AGBL4: variants seen among roughly 807,000 people sequenced by gnomAD.
AGBL4 encodes cytosolic carboxypeptidase 6.
A neutral mutation model predicts 66.4 loss-of-function variants in AGBL4; 58 were observed. That is an observed-to-expected ratio of 0.87 (90% confidence interval 0.71 to 1.09). The LOEUF is 1.09. AGBL4 is among the 50% of genes least tolerant of loss of function. The probability of loss-of-function intolerance (pLI) is 0.00; values close to 1 mark genes in which losing one functional copy is unlikely to be tolerated. For missense variants in AGBL4, 579 were observed against 631.0 expected (o/e 0.92, Z 0.88); for synonymous variants, 234 against 222.9 (o/e 1.05, Z -0.44).
intron 3 of AGBL4, among the ~76,000 whole-genome samples, chr1:49,448,975 T>C (rs1402239526): frequency 6.6e-6 from 1 of 151,922 alleles, no homozygotes; most frequent in Non-Finnish European, 1.5e-5. Flanking sequence ...CTGATAACTA[T>C]TTACAATGAG....
intron 3 of AGBL4, among the ~76,000 whole-genome samples, chr1:49,593,788 G>C (rs974870936): frequency 6.6e-6 from 1 of 152,090 alleles, no homozygotes; most frequent in African/African-American, 2.4e-5. Context: ...CCTTCAAAGA[G>C]TGCCTGGCAC....
At chr1:49,274,154 T>C (rs1184278719) in intron 3 of AGBL4, among the ~76,000 whole-genome samples, 1 of 152,184 alleles carries the variant, frequency 6.6e-6, no homozygotes, top group African/African-American at 2.4e-5. Context: ...TAAATGAATA[T>C]TTTACAGTGA....
chr1:49,946,833 A>G (rs1655250935), intron 1 of AGBL4, among the ~76,000 whole-genome samples: 1 of 152,014 alleles, frequency 6.6e-6, no homozygotes, highest in Admixed American at 6.6e-5. Context: ...AAAACAAGAG[A>G]GAAGATCCAA....
intron 4 of AGBL4, among the ~76,000 whole-genome samples, chr1:49,099,716 G>T (rs987722236): frequency 1.3e-5 from 2 of 152,002 alleles, no homozygotes; most frequent in Non-Finnish European, 2.9e-5. Flanking sequence ...AGCAAAAGTG[G>T]GTCTGATTTG....
chr1:49,657,117 C>T (rs1646155735), intron 3 of AGBL4, among the ~76,000 whole-genome samples: 1 of 152,188 alleles, frequency 6.6e-6, no homozygotes, highest in Non-Finnish European at 1.5e-5. Context: ...CCCATCGTCT[C>T]AGACCAAAAT....
At chr1:49,326,225 G>A (rs1645226046) in intron 3 of AGBL4, among the ~76,000 whole-genome samples, 1 of 152,038 alleles carries the variant, frequency 6.6e-6, no homozygotes, top group Non-Finnish European at 1.5e-5. Context: ...ATTTTTGAAG[G>A]ATATTTTCAC....
intron 6 of AGBL4, among the ~76,000 whole-genome samples, chr1:48,728,654 C>G (rs943910957): frequency 2.6e-5 from 4 of 152,168 alleles, no homozygotes; most frequent in Non-Finnish European, 5.9e-5. Context: ...TAAAAACACT[C>G]TGGCACATGC....
chr1:48,918,218 C>T (rs911968889), intron 5 of AGBL4, among the ~76,000 whole-genome samples: 1 of 152,190 alleles, frequency 6.6e-6, no homozygotes, highest in African/African-American at 2.4e-5. Context: ...CTCATTATCC[C>T]CCAGCTCCTA....
intron 3 of AGBL4, among the ~76,000 whole-genome samples, chr1:49,436,594 A>G (rs1466154909): frequency 6.6e-6 from 1 of 152,208 alleles, no homozygotes; most frequent in African/African-American, 2.4e-5. Context: ...CAAGCTAGAA[A>G]GAAAGATTGG....
intron 3 of AGBL4, among the ~76,000 whole-genome samples, chr1:49,661,553 C>T (rs537064090): frequency 6.6e-6 from 1 of 152,282 alleles, no homozygotes; most frequent in Admixed American, 6.5e-5. Context: ...GCCATGTAAG[C>T]TTCCTGAAGC....
intron 11 of AGBL4, among the ~76,000 whole-genome samples, chr1:48,578,603 C>G (rs1644689486): frequency 6.6e-6 from 1 of 152,174 alleles, no homozygotes; most frequent in Admixed American, 6.5e-5. Flanking sequence ...AGTGAAGGCT[C>G]TCTGGCAAGA....
At chr1:49,130,731 T>G (rs1645874222) in intron 4 of AGBL4, among the ~76,000 whole-genome samples, 1 of 152,098 alleles carries the variant, frequency 6.6e-6, no homozygotes, top group Non-Finnish European at 1.5e-5. Flanking sequence ...GTAGTATAGT[T>G]TGAAGTCAGG....
chr1:48,862,507 G>A (rs1647576582), intron 6 of AGBL4, among the ~76,000 whole-genome samples: 1 of 151,982 alleles, frequency 6.6e-6, no homozygotes, highest in Non-Finnish European at 1.5e-5. Context: ...ATTTTTAGTA[G>A]AGACAGGGCT....
Position 48,776,831 on chromosome 1 carries a change from T to A in AGBL4, c.634+90360A>T, listed in dbSNP as rs754796605. 267 of 1,426,372 alleles carry A rather than the reference T, an allele frequency of 1.9e-4. 1 individual carries two copies. Among genetic ancestry groups the A allele is most frequent in the East Asian group, 2.2e-4 (6 of 27,864 alleles). The allele number at this position is 1,426,372 out of a possible 1,614,324, so 88.4% of individuals were successfully genotyped here. On this transcript the variant is annotated intron_variant, in intron 6 of 13. Transcript: ENST00000371839. Reference sequence around the variant, plus strand: ...TCCAGGAACCGCACAAAGGCGTACATGGTGGGCGCCGGGGGCGGGCCCCGG... The same window carrying A: ...TCCAGGAACCGCACAAAGGCGTACAAGGTGGGCGCCGGGGGCGGGCCCCGG...
At position 49,033,508 on chromosome 1, in the gene AGBL4, C is replaced by T. The variant is rs148638150; in HGVS notation, c.594+12076G>A. Among the ~76,000 whole-genome samples, 287 of 152,154 alleles carry T rather than the reference C, an allele frequency of 1.9e-3. 2 individuals are homozygous for T. Among genetic ancestry groups the T allele is most frequent in the African/African-American group, 6.5e-3 (271 of 41,508 alleles). On this transcript the variant is annotated intron_variant, in intron 5 of 13. Transcript: ENST00000371839. ...GGAGACTAGCTTATTTTGAAGTTACCGTGCTGGTCAGAACTGTGCTGGCCC... is the reference window on the plus strand; with the variant it reads ...GGAGACTAGCTTATTTTGAAGTTACTGTGCTGGTCAGAACTGTGCTGGCCC...
chr1:49,118,202 C>A (rs938265256), intron 4 of AGBL4, among the ~76,000 whole-genome samples: 4 of 152,158 alleles, frequency 2.6e-5, no homozygotes, highest in Non-Finnish European at 5.9e-5. Context: ...ATTGCATACC[C>A]TTTATTTCTC....
intron 5 of AGBL4, among the ~76,000 whole-genome samples, chr1:48,945,916 G>A (rs1046781899): frequency 2.6e-5 from 4 of 152,180 alleles, no homozygotes; most frequent in African/African-American, 7.2e-5. Flanking sequence ...AATTCAATGA[G>A]TTAATATATA....
chr1:48,548,924 T>C (rs1274515701), intron 11 of AGBL4, among the ~76,000 whole-genome samples: 1 of 152,226 alleles, frequency 6.6e-6, no homozygotes, highest in Non-Finnish European at 1.5e-5. Context: ...TCATATTAAG[T>C]GGCTTCTATG....
At chr1:49,432,675 T>C (rs1645812992) in intron 3 of AGBL4, among the ~76,000 whole-genome samples, 2 of 152,220 alleles carry the variant, frequency 1.3e-5, no homozygotes, top group African/African-American at 4.8e-5. Flanking sequence ...TACATCAAAC[T>C]TTAAAGCTCA....
Sources: gnomAD v4.1 joint callset for allele counts (sites outside exome capture counted in the v4.1 genomes callset) on GRCh38, gnomAD v4.1.1 for gene constraint, MANE v1.5 for transcripts, NCBI Gene and HGNC (gene_info 2026-07-23, HGNC 2026-07-21) for gene names.